SMC1A: variants seen among roughly 807,000 people sequenced by gnomAD.
The protein encoded by SMC1A is structural maintenance of chromosomes 1A, also known as structural maintenance of chromosomes protein 1A.
Under a neutral mutation model 94.5 loss-of-function variants are expected in SMC1A, and 4 were observed. The ratio of observed to expected loss-of-function variants is 0.04; its 90% CI spans 0.02 to 0.10. SMC1A has a LOEUF of 0.10. Ranked by LOEUF, SMC1A falls within the 10% of genes least tolerant of loss-of-function variation. The pLI is 1.00. For missense variants in SMC1A, 304 were observed against 989.0 expected (o/e 0.31, Z 9.29); for synonymous variants, 345 against 347.7 (o/e 0.99, Z 0.09).
At position 53,406,938 on chromosome X, in the gene SMC1A, T is replaced by A. The variant is rs781846274; in HGVS notation, c.1546-982A>T. ...ATCTCAAACCCCTGACCTCCGATGA[T>A]CTGCCCGCCTCGGCCTCCCAAAGTG... On this transcript the variant is annotated intron_variant, in intron 9 of 24. Transcript: ENST00000322213. Among the ~76,000 whole-genome samples, 11 of 112,110 alleles carry A rather than the reference T, an allele frequency of 9.8e-5. No individual in the cohort carries two copies. The Admixed American group carries it at 1.0e-3, about 11-fold the overall frequency.
chrX:53,406,055 A>G (rs782374603), intron 9 of SMC1A, 99 bp from the exon 10 acceptor site: 20 of 797,727 alleles, frequency 2.5e-5, no homozygotes, highest in Non-Finnish European at 3.6e-5. Flanking sequence ...ACTAGAATCT[A>G]TATCAGGAAG....
intron 19 of SMC1A, among the ~76,000 whole-genome samples, chrX:53,391,101 G>T (rs1300567846): frequency 9.3e-6 from 1 of 108,025 alleles, no homozygotes; most frequent in Non-Finnish European, 1.9e-5. Context: ...ATCACATGAG[G>T]TCAGGAGTTC....
At chrX:53,420,532 A>AG (rs2075750621) in intron 1 of SMC1A, among the ~76,000 whole-genome samples, 1 of 110,851 alleles carries the variant, frequency 9.0e-6, no homozygotes, top group East Asian at 2.8e-4. Context: ...AAAAAAAAAA[A>AG]AAAAGAAAAG....
At chrX:53,387,899 C>T (rs1159338854) in intron 19 of SMC1A, among the ~76,000 whole-genome samples, 1 of 94,445 alleles carries the variant, frequency 1.1e-5, no homozygotes, top group African/African-American at 3.9e-5. Flanking sequence ...TTGAGAAAGC[C>T]AAGGAAGCAA....
intron 19 of SMC1A, among the ~76,000 whole-genome samples, chrX:53,389,428 C>A (rs1251382555): frequency 4.5e-5 from 5 of 111,302 alleles, no homozygotes; most frequent in African/African-American, 1.6e-4. Flanking sequence ...GGATGTGTAA[C>A]ACTAATTATT....
Position 53,394,736 on chromosome X carries a change from C to T in SMC1A, c.2973+42G>A, listed in dbSNP as rs1569354667. 8.5e-6 allele frequency: 4 copies of T among 470,537 alleles called. No individual in the cohort carries two copies. The South Asian group carries it at 1.1e-4, about 13-fold the overall frequency. 38.8% of individuals were successfully genotyped at this position (470,537 alleles called of 1,213,427 possible). A position where few individuals can be genotyped will look rare whatever the true frequency, so the allele number is the denominator to read the frequency against. On this transcript the variant is annotated intron_variant, in intron 19 of 24. Coordinates refer to ENST00000322213, the MANE Select transcript of SMC1A (RefSeq NM_006306.4). ...AACTAGGAAGATAGTCCCACTCCCACCCAACCCCCACCCCCACCACACCCC... is the reference window on the plus strand; with the variant it reads ...AACTAGGAAGATAGTCCCACTCCCATCCAACCCCCACCCCCACCACACCCC...
chrX:53,413,277 T>C lies in SMC1A; in HGVS notation c.570A>G (p.Lys190=), dbSNP rs2075720390. Residue 190 remains lysine (K), a synonymous_variant, in exon 4 of 25, where the codon AAA becomes AAG. Coordinates refer to ENST00000322213, the MANE Select transcript of SMC1A (RefSeq NM_006306.4). ...CTTCCTTGCGTTCAGCCGCAATATT[T>C]TTCTTGCGATGGTAATTAAACTGTG... ...EDTQFNYHRK[K]NIAAERKEAK... 2.5e-6 allele frequency: 3 copies of C among 1,211,685 alleles called. No individual in the cohort carries two copies. Among genetic ancestry groups the C allele is most frequent in the Non-Finnish European group, 3.3e-6 (3 of 895,552 alleles).
chrX:53,400,812 G>A (rs2075668122), intron 15 of SMC1A, among the ~76,000 whole-genome samples: 1 of 111,542 alleles, frequency 9.0e-6, no homozygotes, highest in Non-Finnish European at 1.9e-5. Flanking sequence ...CAGATGTCAT[G>A]CTAGCAGCTT....
In SMC1A at chrX:53,405,967, T is replaced by C. The variant is rs782038777; in HGVS notation, c.1546-11A>G. On this transcript the variant is annotated splice_polypyrimidine_tract_variant and intron_variant, in intron 9 of 24. Transcript: ENST00000322213. ...AATGAGGCGGCCGTACTGAGTAAAG[T>C]AGGAAGGGAAAACTGAAGTATGAAG... The C allele has an allele frequency of 2.0e-5, 24 of 1,205,793 alleles. No homozygotes were observed. The highest frequency in any genetic ancestry group is 5.3e-5 in the African/African-American group (3 of 56,897).
rs1014388500 is a variant in SMC1A at position 53,379,936 on chromosome X, G to C, written c.*167C>G. ...CTGTCGTTCAGGAATTTTTGCTCCA[G>C]ACCTAACATCACCTCTGTTCCTCTT... On this transcript the variant is annotated 3_prime_UTR_variant, in exon 25 of 25. Transcript: ENST00000322213. 22 of 475,350 alleles carry C rather than the reference G, an allele frequency of 4.6e-5. No individual in the cohort carries two copies. Among genetic ancestry groups the C allele is most frequent in the Non-Finnish European group, 7.1e-5 (19 of 266,239 alleles). 39.2% of individuals were successfully genotyped at this position (475,350 alleles called of 1,213,427 possible).
At chrX:53,390,487 C>CAA (rs1157579546) in intron 19 of SMC1A, among the ~76,000 whole-genome samples, 4 of 95,105 alleles carry the variant, frequency 4.2e-5, no homozygotes, top group East Asian at 3.3e-4. Context: ...GACTCTATCT[C>CAA]AAAAAAAAAA....
intron 9 of SMC1A, 82 bp from the exon 10 acceptor site, chrX:53,406,038 G>C: frequency 1.1e-6 from 1 of 903,032 alleles, no homozygotes; most frequent in Non-Finnish European, 1.6e-6. Flanking sequence ...TATGGAAAGG[G>C]GGACAGACTA....
chrX:53,396,052 C>T (rs2075649750), intron 18 of SMC1A, among the ~76,000 whole-genome samples, 175 bp downstream of exon 18: 1 of 111,237 alleles, frequency 9.0e-6, no homozygotes, highest in Admixed American at 9.6e-5. Context: ...TTACCTTTCG[C>T]CTCACCTGCC....
At chrX:53,406,924 CT>C (rs1390395219) in intron 9 of SMC1A, among the ~76,000 whole-genome samples, 2 of 111,897 alleles carry the variant, frequency 1.8e-5, no homozygotes, top group African/African-American at 6.5e-5. Context: ...TCTCAAACCC[CT>C]GACCTCCGAT....
chrX:53,411,656 G>T, intron 7 of SMC1A, 105 bp downstream of exon 7: 1 of 965,980 alleles, frequency 1.0e-6, no homozygotes, highest in Non-Finnish European at 1.5e-6. Flanking sequence ...AAATGCTTAG[G>T]ACCGGAAACG....
intron 19 of SMC1A, among the ~76,000 whole-genome samples, chrX:53,383,992 T>C (rs1434134610): frequency 6.3e-5 from 7 of 111,887 alleles, no homozygotes; most frequent in Non-Finnish European, 1.3e-4. Context: ...GGACTCAGAC[T>C]CCTAACTCAG....
intron 16 of SMC1A, among the ~76,000 whole-genome samples, chrX:53,399,049 C>T (rs1195266470): frequency 1.8e-5 from 2 of 110,841 alleles, no homozygotes; most frequent in Non-Finnish European, 3.8e-5. Context: ...ACCAGCCTGG[C>T]CAATATGGTG....
At chrX:53,410,570 C>T (rs1305968537) in intron 7 of SMC1A, among the ~76,000 whole-genome samples, 1 of 109,357 alleles carries the variant, frequency 9.1e-6, no homozygotes, top group African/African-American at 3.3e-5. Flanking sequence ...GAGGCCAAGG[C>T]GGGTGGATCA....
intron 3 of SMC1A, among the ~76,000 whole-genome samples, chrX:53,413,640 T>C (rs1181187012): frequency 1.8e-5 from 2 of 111,526 alleles, no homozygotes; most frequent in Non-Finnish European, 3.8e-5. Flanking sequence ...AAGTGTTATG[T>C]GCAGTAACAG....
Sources: allele counts gnomAD v4.1 joint callset (sites outside exome capture counted in the v4.1 genomes callset), GRCh38; gene constraint gnomAD v4.1.1; transcripts MANE v1.5; gene names NCBI Gene and HGNC (gene_info 2026-07-23, HGNC 2026-07-21).